Variants in RGS6 observed in about 807,000 individuals in gnomAD.
RGS6 encodes the protein regulator of G protein signaling 6, also known as regulator of G-protein signaling 6.
RGS6 carries 30 observed loss-of-function variants against 78.5 expected under a neutral mutation model. The ratio of observed to expected loss-of-function variants is 0.38; its 90% confidence interval spans 0.29 to 0.52. RGS6 has a LOEUF of 0.52. RGS6 is among the 20% of genes least tolerant of loss of function. The probability of loss-of-function intolerance (pLI) is 0.85; values close to 1 mark genes in which losing one functional copy is unlikely to be tolerated. For missense variants in RGS6, 495 were observed against 609.7 expected (o/e 0.81, Z 1.98); for synonymous variants, 206 against 206.0 (o/e 1.00, Z 0.00).
rs60862055 is a variant in RGS6 at position 72,269,566 on chromosome 14, A to C, written c.85-82529A>C. On this transcript the variant is annotated intron_variant, in intron 2 of 17. Coordinates refer to ENST00000553525, the MANE Select transcript of RGS6 (RefSeq NM_001204424.2). ...TGTTTTTACAGTGAAACCTATCTTA[A>C]ATTTTTTTTTTTTTTTTTTTTTTTT... Among the ~76,000 whole-genome samples, 11 of 21,328 alleles carry C rather than the reference A, an allele frequency of 5.2e-4. 1 individual carries two copies. The highest frequency in any genetic ancestry group is 2.9e-3 in the South Asian group (3 of 1,036). 14.0% of individuals were successfully genotyped at this position (21,328 alleles called of 152,430 possible).
chr14:72,291,948 G>A (rs1172480218), intron 2 of RGS6, among the ~76,000 whole-genome samples: 1 of 152,110 alleles, frequency 6.6e-6, no homozygotes, highest in Non-Finnish European at 1.5e-5. Context: ...CCCTGAAATA[G>A]TGGGACACAA....
At chr14:72,373,346 T>C (rs1441000762) in intron 3 of RGS6, among the ~76,000 whole-genome samples, 1 of 152,170 alleles carries the variant, frequency 6.6e-6, no homozygotes, top group Non-Finnish European at 1.5e-5. Flanking sequence ...TTTGTTCTTG[T>C]CATACAGCCA....
intron 2 of RGS6, among the ~76,000 whole-genome samples, chr14:72,176,039 G>C (rs553645275): frequency 3.2e-4 from 49 of 152,298 alleles, no homozygotes; most frequent in African/African-American, 9.4e-4. Flanking sequence ...ATCCTCTGGA[G>C]GGAGTTCTCC....
rs146825509 is a variant in RGS6 at position 72,246,645 on chromosome 14, C to T, written c.85-105450C>T. On this transcript the variant is annotated intron_variant, in intron 2 of 17. Coordinates refer to ENST00000553525, the MANE Select transcript of RGS6 (RefSeq NM_001204424.2). Reference sequence around the variant, plus strand: ...TTATTGAAGGCTTGGCGCAGTGGCTCATGCCTGTAATCCCAGCACTTTGAG... The same window carrying T: ...TTATTGAAGGCTTGGCGCAGTGGCTTATGCCTGTAATCCCAGCACTTTGAG... Among the ~76,000 whole-genome samples the T allele has an allele frequency of 3.4e-3, 523 of 152,274 alleles. 2 individuals are homozygous for T. Among genetic ancestry groups the T allele is most frequent in the African/African-American group, 0.011 (473 of 41,554 alleles).
rs141283571 is a variant in RGS6 at position 72,474,498 on chromosome 14, G to GAA, written c.619-127_619-126insAA. 6.0e-4 allele frequency: 510 copies of GAA among 843,014 alleles called. 1 individual carries two copies. The highest frequency in any genetic ancestry group is 7.7e-4 in the Non-Finnish European group (420 of 542,578). The allele number at this position is 843,014 out of a possible 1,614,324, so 52.2% of individuals were successfully genotyped here. A position where few individuals can be genotyped will look rare whatever the true frequency, so the allele number is the denominator to read the frequency against. On this transcript the variant is annotated intron_variant, in intron 9 of 17. Transcript: ENST00000553525. ...AGAGGAATGCATATTATGGCAAAAT[G>GAA]GAAAAAAAAATCATGCATTGTCTGT...
chr14:72,537,662 G>T (rs2097268512), intron 16 of RGS6: 3 of 649,248 alleles, frequency 4.6e-6, no homozygotes, highest in South Asian at 1.7e-5. Flanking sequence ...CTAGAGGAAA[G>T]AAAAATTATA....
intron 6 of RGS6, chr14:72,464,593 C>G (rs544387191): frequency 9.8e-5 from 15 of 152,326 alleles, no homozygotes; most frequent in Non-Finnish European, 1.3e-4. Context: ...AAAATGATCA[C>G]AGGTTCTCTC....
intron 2 of RGS6, among the ~76,000 whole-genome samples, chr14:72,188,735 G>A (rs574387141): frequency 5.9e-5 from 9 of 152,214 alleles, no homozygotes; most frequent in Non-Finnish European, 7.4e-5. Context: ...GATGGAAAGC[G>A]GTAAAAACTT....
Position 72,209,798 on chromosome 14 carries a change from C to T in RGS6, c.85-142297C>T, listed in dbSNP as rs557651217. 7.2e-4 allele frequency among the ~76,000 whole-genome samples: 110 copies of T among 152,248 alleles called. 1 individual carries two copies. Among genetic ancestry groups the T allele is most frequent in the Middle Eastern group, 3.4e-3 (1 of 294 alleles). On this transcript the variant is annotated intron_variant, in intron 2 of 17. Coordinates refer to ENST00000553525, the MANE Select transcript of RGS6 (RefSeq NM_001204424.2). ...CCTTGTCCTCCATCTATAACTAATTCGTATTGTTTTAGGTTAGTTTCTCAG... is the reference window on the plus strand; with the variant it reads ...CCTTGTCCTCCATCTATAACTAATTTGTATTGTTTTAGGTTAGTTTCTCAG...
chr14:72,036,366 A>C (rs1424785754), intron 2 of RGS6, among the ~76,000 whole-genome samples: 4 of 152,042 alleles, frequency 2.6e-5, no homozygotes, highest in Admixed American at 6.6e-5. Flanking sequence ...AATCATTCTT[A>C]TACAGGTTTT....
chr14:72,629,269 G>A, the RGS6 span, among the ~76,000 whole-genome samples: 2 of 152,188 alleles, frequency 1.3e-5, no homozygotes, highest in Non-Finnish European at 2.9e-5. Flanking sequence ...GATCTTTGTC[G>A]AAGCTGGTGA....
the RGS6 span, among the ~76,000 whole-genome samples, chr14:72,593,700 T>C: frequency 1.3e-4 from 20 of 152,288 alleles, no homozygotes; most frequent in East Asian, 3.9e-3. Flanking sequence ...GTCTGTGTTT[T>C]TATATCCACT....
upstream of RGS6, among the ~76,000 whole-genome samples, chr14:71,927,554 C>A (rs543996779): frequency 6.6e-6 from 1 of 152,290 alleles, no homozygotes; most frequent in East Asian, 1.9e-4. Context: ...AGGAAGGGCC[C>A]CACAGGCTGT....
chr14:72,166,858 C>T (rs2096934948), intron 2 of RGS6, among the ~76,000 whole-genome samples: 1 of 152,168 alleles, frequency 6.6e-6, no homozygotes, highest in South Asian at 2.1e-4. Context: ...AGTGTTTTCA[C>T]TGCCTAATTT....
chr14:72,162,801 T>C (rs576369238), intron 2 of RGS6, among the ~76,000 whole-genome samples: 19 of 152,022 alleles, frequency 1.2e-4, no homozygotes, highest in East Asian at 1.9e-4. Flanking sequence ...CATATATATA[T>C]ACACACACAC....
intron 1 of RGS6, among the ~76,000 whole-genome samples, chr14:71,950,062 C>G (rs527288805): frequency 6.6e-6 from 1 of 152,108 alleles, no homozygotes; most frequent in Non-Finnish European, 1.5e-5. Context: ...GTCTTAATTA[C>G]GTGAGCTTTA....
chr14:71,946,458 G>A (rs528377664), intron 1 of RGS6, among the ~76,000 whole-genome samples: 1 of 152,240 alleles, frequency 6.6e-6, no homozygotes, highest in East Asian at 1.9e-4. Flanking sequence ...GTCAGACAGT[G>A]CATCTATCTT....
At chr14:72,199,788 A>T (rs2041060479) in intron 2 of RGS6, among the ~76,000 whole-genome samples, 1 of 152,182 alleles carries the variant, frequency 6.6e-6, no homozygotes, top group Non-Finnish European at 1.5e-5. Context: ...TCTTTCCTTT[A>T]ATGTGATATA....
At chr14:72,626,260 C>G in the RGS6 span, among the ~76,000 whole-genome samples, 1 of 152,106 alleles carries the variant, frequency 6.6e-6, no homozygotes, top group Non-Finnish European at 1.5e-5. Context: ...TCTCCCTTAT[C>G]CCTACTATCC....
Sources: allele counts gnomAD v4.1 joint callset (sites outside exome capture counted in the v4.1 genomes callset), GRCh38; gene constraint gnomAD v4.1.1; transcripts MANE v1.5; gene names NCBI Gene and HGNC (gene_info 2026-07-23, HGNC 2026-07-21).